The following SETD2 variants were observed in gnomAD, a reference collection of about 807,000 sequenced individuals.
SETD2 encodes histone-lysine N-methyltransferase SETD2.
Under a neutral mutation model 242.1 loss-of-function variants are expected in SETD2, and 31 were observed. The observed-to-expected ratio is 0.13, with a 90% CI of 0.10 to 0.17. The LOEUF (loss-of-function observed/expected upper bound fraction) is 0.17. SETD2 is among the 10% of genes least tolerant of loss of function. The pLI, the probability that SETD2 is intolerant of heterozygous loss-of-function variation, is 1.00. For synonymous variants in SETD2, 1,006 were observed against 1,066.5 expected (o/e 0.94, Z 1.11); for missense variants, 2,481 against 3,046.3 (o/e 0.81, Z 4.37).
chr3:47,150,028 C>CTTTTTTTTTTTTTTTTTTTT (rs71098457), intron 1 of SETD2, among the ~76,000 whole-genome samples: 2 of 92,446 alleles, frequency 2.2e-5, no homozygotes, highest in Non-Finnish European at 3.9e-5. Context: ...TCCAAAAATA[C>CTTTTTTTTTTTTTTTTTTTT]TTTTTTTTTT....
chr3:47,069,102 C>T (rs781757628), intron 12 of SETD2, among the ~76,000 whole-genome samples: 34 of 152,092 alleles, frequency 2.2e-4, no homozygotes, highest in Non-Finnish European at 3.7e-4. Context: ...CCTTCAAATA[C>T]ATTATCTTAT....
intron 1 of SETD2, among the ~76,000 whole-genome samples, chr3:47,156,646 A>G (rs1171387981): frequency 1.3e-5 from 2 of 152,322 alleles, no homozygotes; most frequent in South Asian, 2.1e-4. Context: ...CCTCCTGTGC[A>G]TCTCAGTAGC....
At chr3:47,115,937 C>T (rs1340996354) in intron 4 of SETD2, among the ~76,000 whole-genome samples, 8 of 152,086 alleles carry the variant, frequency 5.3e-5, no homozygotes, top group East Asian at 3.9e-4. Context: ...TGAGCCACTA[C>T]GCCTGGCCAA....
intron 9 of SETD2, among the ~76,000 whole-genome samples, chr3:47,091,415 C>G (rs1257383748): frequency 6.6e-6 from 1 of 152,020 alleles, no homozygotes; most frequent in East Asian, 1.9e-4. Context: ...TCACCTGAGG[C>G]CAGGAGTTCG....
chr3:47,123,464 G>T lies in SETD2; in HGVS notation c.1172C>A (p.Ser391Tyr). Reference sequence around the variant, plus strand: ...CTCTCTTTCTGATCTACATCGGGAAGATACATACCGAGTATCTCTTTCAAG... The same window carrying T: ...CTCTCTTTCTGATCTACATCGGGAATATACATACCGAGTATCTCTTTCAAG... ...SKLERDTRYV[S>Y]SRCRSERERR... is the part of the protein sequence containing the mutation. The change falls in exon 3 of 21, where the codon TCT (serine) becomes TAT (tyrosine). Residue 391 changes from serine to tyrosine, a missense_variant. By Grantham distance (144) the Ser-to-Tyr change is moderately radical. Around this residue, in one of 17 missense-constraint regions of SETD2, gnomAD observed 1,300 missense variants for 1,259.2 expected, o/e 1.03. Coordinates refer to ENST00000409792, the MANE Select transcript of SETD2 (RefSeq NM_014159.7). The T allele has an allele frequency of 6.4e-7, 1 of 1,551,480 alleles. No homozygotes were observed. Among genetic ancestry groups the T allele is most frequent in the Non-Finnish European group, 8.7e-7 (1 of 1,146,956 alleles).
chr3:47,077,017 TA>T (rs2041109038), intron 12 of SETD2, among the ~76,000 whole-genome samples: 1 of 152,168 alleles, frequency 6.6e-6, no homozygotes, highest in Admixed American at 6.5e-5. Context: ...GCAAGAAGGA[TA>T]AATGTTGTAA....
chr3:47,036,385 T>G (rs1157991122), intron 18 of SETD2, among the ~76,000 whole-genome samples: 1 of 151,912 alleles, frequency 6.6e-6, no homozygotes, highest in African/African-American at 2.4e-5. Context: ...TAAAACCTCA[T>G]CTCTACTAAA....
In SETD2 at chr3:47,121,258, A is replaced by G. The variant is rs2106643991; in HGVS notation, c.3378T>C (p.Pro1126=). The change falls in exon 3 of 21, where the codon CCT becomes CCC. Residue 1126 remains proline, a synonymous_variant. Transcript: ENST00000409792. ...KFESIASKAC[P]QTDKFFLHKG... ...TATGAAGGAAAAACTTATCAGTTTGAGGACAGGCTTTACTTGCTATACTTT... is the reference window on the plus strand; with the variant it reads ...TATGAAGGAAAAACTTATCAGTTTGGGGACAGGCTTTACTTGCTATACTTT... 6.2e-7 allele frequency: 1 copy of G among 1,614,052 alleles called. No homozygotes were observed. The highest frequency in any genetic ancestry group is 8.5e-7 in the Non-Finnish European group (1 of 1,180,006).
intron 1 of SETD2, among the ~76,000 whole-genome samples, chr3:47,148,099 T>C (rs541484981): frequency 8.9e-6 from 1 of 111,932 alleles, no homozygotes; most frequent in East Asian, 2.4e-4. Flanking sequence ...AACTTGTTTT[T>C]TTGGTTGTGT....
Position 47,157,593 on chromosome 3 carries a change from CA to C in SETD2, c.71+6260del, listed in dbSNP as rs1368485368. On this transcript the variant is annotated intron_variant, in intron 1 of 20. Transcript: ENST00000409792. ...CAATACTAACAATAAAAGAACTGAC[CA>C]GGGGCGTGGTGGCTCATGCCTGTAA... is the stretch of plus-strand genomic sequence containing the variant. 8.8e-6 allele frequency: 4 copies of C among 454,750 alleles called. No homozygotes were observed. In the Admixed American group the frequency reaches 9.4e-5, roughly 11 times the overall value. 28.2% of individuals were successfully genotyped at this position (454,750 alleles called of 1,614,324 possible).
chr3:47,105,923 A>G (rs2042398874), intron 6 of SETD2, 74 bp downstream of exon 6: 2 of 1,443,154 alleles, frequency 1.4e-6, no homozygotes, highest in Non-Finnish European at 1.9e-6. Flanking sequence ...AAAAAAAAAA[A>G]AATCAAATCA....
intron 15 of SETD2, among the ~76,000 whole-genome samples, chr3:47,055,999 C>T (rs1342983489): frequency 2.4e-4 from 20 of 82,014 alleles, no homozygotes; most frequent in African/African-American, 9.0e-4. Flanking sequence ...GGGGACAGAG[C>T]GAGACTCCGT....
At chr3:47,054,060 A>G (rs965319608) in intron 15 of SETD2, among the ~76,000 whole-genome samples, 1 of 152,192 alleles carries the variant, frequency 6.6e-6, no homozygotes, top group Non-Finnish European at 1.5e-5. Flanking sequence ...AATATATTCT[A>G]TGTTTCTCAA....
intron 1 of SETD2, among the ~76,000 whole-genome samples, chr3:47,135,167 G>C (rs1389510487): frequency 6.6e-6 from 1 of 152,194 alleles, no homozygotes; most frequent in African/African-American, 2.4e-5. Context: ...GCCATGAGTA[G>C]AAAAGCCAGT....
chr3:47,148,302 T>C (rs1418253295), intron 1 of SETD2, among the ~76,000 whole-genome samples: 1 of 152,070 alleles, frequency 6.6e-6, no homozygotes, highest in Non-Finnish European at 1.5e-5. Context: ...GGCTAATTTT[T>C]GTATTTTTAG....
At chr3:47,066,309 T>A (rs1352080129) in intron 13 of SETD2, among the ~76,000 whole-genome samples, 1 of 152,218 alleles carries the variant, frequency 6.6e-6, no homozygotes, top group Non-Finnish European at 1.5e-5. Flanking sequence ...CCTATGTTGT[T>A]CAAGGGTCAA....
At chr3:47,137,570 C>A (rs1484929532) in intron 1 of SETD2, among the ~76,000 whole-genome samples, 1 of 152,152 alleles carries the variant, frequency 6.6e-6, no homozygotes, top group Non-Finnish European at 1.5e-5. Context: ...TTTCCTCCCA[C>A]TAGCATACAA....
chr3:47,044,275 G>A (rs1047125184), intron 16 of SETD2, among the ~76,000 whole-genome samples: 6 of 140,794 alleles, frequency 4.3e-5, no homozygotes, highest in Non-Finnish European at 7.5e-5. Context: ...CCTGGGAGGC[G>A]GAGGTTGCAG....
chr3:47,106,493 T>TAAAAAAAAAAAAAAAAAA (rs766455577), intron 5 of SETD2, among the ~76,000 whole-genome samples: 2 of 57,264 alleles, frequency 3.5e-5, no homozygotes, highest in African/African-American at 1.3e-4. Context: ...ATTTTTGCTC[T>TAAAAAAAAAAAAAAAAAA]AAAAAAAAAA....
Sources: allele counts gnomAD v4.1 joint callset (sites outside exome capture counted in the v4.1 genomes callset), GRCh38; gene constraint gnomAD v4.1.1; regional missense constraint gnomAD v4.1.1; transcripts MANE v1.5; gene names NCBI Gene and HGNC (gene_info 2026-07-23, HGNC 2026-07-21).